Variants in PPP2R3B observed in about 807,000 individuals in gnomAD.
PPP2R3B encodes serine/threonine-protein phosphatase 2A regulatory subunit B'' subunit beta.
A neutral mutation model predicts 72.9 loss-of-function variants in PPP2R3B; 68 were observed. The ratio of observed to expected loss-of-function variants is 0.93; its 90% CI spans 0.77 to 1.14. The LOEUF is 1.14. Among genes scored for constraint, PPP2R3B ranks in the 50% most tolerant of loss-of-function variants. PPP2R3B has a pLI of 0.00. For missense variants in PPP2R3B, 1,018 were observed against 842.0 expected, an observed-to-expected ratio of 1.21 and a Z score of -2.59; for synonymous variants, 466 against 375.8, an observed-to-expected ratio of 1.24 and a Z score of -2.78.
In PPP2R3B at chrX:368,380, A is replaced by C. The variant is rs755211511; in HGVS notation, c.325-6790T>G. Among the ~76,000 whole-genome samples the C allele has an allele frequency of 3.1e-4, 22 of 71,226 alleles. 1 individual carries two copies. Among genetic ancestry groups the C allele is most frequent in the Non-Finnish European group, 5.4e-4 (20 of 36,938 alleles). The allele number at this position is 71,226 out of a possible 152,430, so 46.7% of individuals were successfully genotyped here. On this transcript the variant is annotated intron_variant, in intron 1 of 12. Coordinates refer to ENST00000390665, the MANE Select transcript of PPP2R3B (RefSeq NM_013239.5). ...ACCCACCCCGGGCACCGACGGGGGG[A>C]AGGCCGGGACCACCCACCTTGGGCA...
chrX:356,693 A>G (rs1194222989), intron 2 of PPP2R3B, among the ~76,000 whole-genome samples: 2 of 152,236 alleles, frequency 1.3e-5, no homozygotes, highest in African/African-American at 2.4e-5. Flanking sequence ...CCAGACGTCT[A>G]TCAACCCTGG....
intron 1 of PPP2R3B, among the ~76,000 whole-genome samples, chrX:365,906 C>CGG (rs1383542802): frequency 8.1e-4 from 6 of 7,416 alleles, no homozygotes; most frequent in African/African-American, 7.9e-3. Context: ...GGTGTGGTGG[C>CGG]GCATGCCTGT....
At chrX:363,208 CTGCATCTCCCCGAGCCCGCGATCCCACAG>C (rs2071579032) in intron 1 of PPP2R3B, among the ~76,000 whole-genome samples, 2 of 5,582 alleles carry the variant, frequency 3.6e-4, no homozygotes, top group East Asian at 4.5e-3. Context: ...CAGGAGGTCC[CTGCATCTCCCCGAGCCCGCGATCCCACAG>C]TGCATCTCCC....
intron 6 of PPP2R3B, 108 bp downstream of exon 6, chrX:346,054 GGTGGGGGTGGGA>G (rs2071200006): frequency 5.6e-6 from 3 of 538,636 alleles, no homozygotes; most frequent in Admixed American, 5.3e-5. Flanking sequence ...TGGGGGTGGG[GGTGGGGGTGGGA>G]GAGGGGGTGG....
At chrX:364,818 G>T (rs1303136502) in intron 1 of PPP2R3B, among the ~76,000 whole-genome samples, 8 of 59,156 alleles carry the variant, frequency 1.4e-4, no homozygotes, top group African/African-American at 9.4e-4. Context: ...AGGAGGCGGA[G>T]GTTGCAGTGA....
chrX:386,340 G>A, intron 1 of PPP2R3B, 28 bp downstream of exon 1: 1 of 1,305,866 alleles, frequency 7.7e-7, no homozygotes, highest in Non-Finnish European at 9.8e-7. Flanking sequence ...CACCTGCGCA[G>A]TTGTTAGCAG....
At chrX:354,169 A>C (rs1242620402) in intron 2 of PPP2R3B, among the ~76,000 whole-genome samples, 2 of 96,640 alleles carry the variant, frequency 2.1e-5, no homozygotes, top group Non-Finnish European at 4.8e-5. Context: ...TCACCCAGGG[A>C]CTAGGGGCTC....
rs183231703 is a variant in PPP2R3B, at chrX:382,150, C to T, written c.324+4218G>A. Among the ~76,000 whole-genome samples, 580 of 152,070 alleles carry T rather than the reference C, an allele frequency of 3.8e-3. 2 individuals are homozygous for T. Among genetic ancestry groups the T allele is most frequent in the Non-Finnish European group, 6.0e-3 (410 of 67,978 alleles). Reference sequence around the variant, plus strand: ...CCTTCCTTCTGCTTCTCCGGTCAGACCACTCCAGTCCCTCAACGTGACCTG... The same window carrying T: ...CCTTCCTTCTGCTTCTCCGGTCAGATCACTCCAGTCCCTCAACGTGACCTG... On this transcript the variant is annotated intron_variant, in intron 1 of 12. Transcript: ENST00000390665.
Position 360,916 on chromosome X carries a change from C to T in PPP2R3B, c.510+489G>A, listed in dbSNP as rs959377372. Among the ~76,000 whole-genome samples, 111 of 152,218 alleles carry T rather than the reference C, an allele frequency of 7.3e-4. 1 individual carries two copies. The highest frequency in any genetic ancestry group is 1.5e-3 in the Non-Finnish European group (101 of 68,040). ...GAAAGCAGGCGGCGAATGATGCACG[C>T]CGCGCCGCAGCACTCAGGGTGAGTC... On this transcript the variant is annotated intron_variant, in intron 2 of 12. Coordinates refer to ENST00000390665, the MANE Select transcript of PPP2R3B (RefSeq NM_013239.5).
At chrX:335,991 C>T (rs535261748) in intron 12 of PPP2R3B, 1 of 152,070 alleles carries the variant, frequency 6.6e-6, no homozygotes, top group Admixed American at 6.6e-5. Flanking sequence ...CACGGTGAAA[C>T]CCCATCTCTA....
At chrX:363,263 G>C (rs376892561) in intron 1 of PPP2R3B, among the ~76,000 whole-genome samples, 1 of 12,198 alleles carries the variant, frequency 8.2e-5, no homozygotes. Flanking sequence ...CCATGATCCC[G>C]CAGTGCATCT....
chrX:358,890 G>A (rs2071488324), intron 2 of PPP2R3B, among the ~76,000 whole-genome samples: 1 of 150,380 alleles, frequency 6.6e-6, no homozygotes, highest in Admixed American at 6.6e-5. Context: ...GGGGCGCTGT[G>A]GCGGGGAAGC....
At chrX:347,127 A>C in intron 4 of PPP2R3B, 107 bp downstream of exon 4, 1 of 1,206,302 alleles carries the variant, frequency 8.3e-7, no homozygotes, top group Non-Finnish European at 1.2e-6. Flanking sequence ...CCCTCCCGTG[A>C]GGGATGAGGC....
chrX:363,399 C>T (rs2071591387), intron 1 of PPP2R3B, among the ~76,000 whole-genome samples: 1 of 150,922 alleles, frequency 6.6e-6, no homozygotes, highest in African/African-American at 2.4e-5. Flanking sequence ...TCCCCGAGCC[C>T]GCAATCCCAC....
rs747418377 is a variant in PPP2R3B, at chrX:341,895, C to T, written c.1073G>A (p.Gly358Glu). The T allele has an allele frequency of 1.2e-6, 2 of 1,612,718 alleles. No individual in the cohort carries two copies. The highest frequency in any genetic ancestry group is 1.7e-6 in the Non-Finnish European group (2 of 1,179,768). Residue 358 changes from glycine (G) to glutamate (E), a missense_variant, in exon 8 of 13, where the codon GGA becomes GAA. Gly to Glu is a moderately conservative substitution (Grantham distance 98). Coordinates refer to ENST00000390665, the MANE Select transcript of PPP2R3B (RefSeq NM_013239.5). The part of the protein sequence containing the change: ...STKMIDRIFS[G>E]AVTRGRKVQK... ...GAGCCGTACGTACCGTGTGACTGCT[C>T]CTGAGAAGATCCTGTCTATCATCTT...
Position 346,743 on chromosome X carries a change from G to T in PPP2R3B, c.750C>A (p.Phe250Leu), listed in dbSNP as rs765383102. The T allele has an allele frequency of 6.2e-7, 1 of 1,610,800 alleles. No homozygotes were observed. Among genetic ancestry groups the T allele is most frequent in the Admixed American group, 1.7e-5 (1 of 59,924 alleles). The change falls in exon 5 of 13, where the codon TTC becomes TTA. Residue 250 changes from phenylalanine to leucine, a missense_variant. Transcript: ENST00000390665. Reference protein sequence around the residue: ...DVVNTHPGLSFLKEASEFHSR... With the variant: ...DVVNTHPGLSLLKEASEFHSR... ...AGTGGAACTCGGACGCCTCCTTCAG[G>T]AACGACAGCCCCGGGTGCGTGTTCA...
chrX:385,143 A>T (rs1013893309), intron 1 of PPP2R3B, among the ~76,000 whole-genome samples: 8 of 151,920 alleles, frequency 5.3e-5, no homozygotes, highest in African/African-American at 1.9e-4. Flanking sequence ...TCTCCGCTCC[A>T]AGGTGAACTC....
chrX:369,827 C>T (rs1470268614), intron 1 of PPP2R3B, among the ~76,000 whole-genome samples: 1 of 152,236 alleles, frequency 6.6e-6, no homozygotes, highest in Non-Finnish European at 1.5e-5. Context: ...CTGCAACGCA[C>T]AGCCGTGCCC....
Position 338,537 on chromosome X carries a change from C to CCCGTCCTCCCACTCAT in PPP2R3B, c.1577+66_1577+67insATGAGTGGGAGGACGG, listed in dbSNP as rs2070954556. 7 of 1,222,964 alleles carry CCCGTCCTCCCACTCAT rather than the reference C, an allele frequency of 5.7e-6. No individual in the cohort carries two copies. In the African/African-American group the frequency reaches 1.1e-4, roughly 20 times the overall value. The allele number at this position is 1,222,964 out of a possible 1,614,324, so 75.8% of individuals were successfully genotyped here. A position where few individuals can be genotyped will look rare whatever the true frequency, so the allele number is the denominator to read the frequency against. ...GCACACACACCCGTCCTCCCACTCACCCGTCCTCCCCACTCACCCGTCCTC... is the reference window on the plus strand; with the variant it reads ...GCACACACACCCGTCCTCCCACTCACCCGTCCTCCCACTCATCCGTCCTCCCCACTCACCCGTCCTC... On this transcript the variant is annotated intron_variant, in intron 12 of 12. Coordinates refer to ENST00000390665, the MANE Select transcript of PPP2R3B (RefSeq NM_013239.5).
Sources: allele counts gnomAD v4.1 joint callset (sites outside exome capture counted in the v4.1 genomes callset), GRCh38; gene constraint gnomAD v4.1.1; transcripts MANE v1.5; gene names NCBI Gene and HGNC (gene_info 2026-07-23, HGNC 2026-07-21).